The following SPTB variants were observed in gnomAD, a reference collection of about 807,000 sequenced individuals.
SPTB encodes the protein spectrin beta, erythrocytic.
In SPTB, 45 loss-of-function variants were observed where a neutral mutation model predicts 256.2. The observed-to-expected ratio is 0.18, with a 90% CI of 0.14 to 0.23. The LOEUF (loss-of-function observed/expected upper bound fraction) is 0.23, where lower values mean the gene tolerates loss of function less well. Among genes scored for constraint, SPTB ranks in the 10% least tolerant of loss-of-function variants. The pLI, the probability that SPTB is intolerant of heterozygous loss-of-function variation, is 1.00. For missense variants in SPTB, 2,715 were observed against 3,040.4 expected (o/e 0.89, Z 2.52); for synonymous variants, 1,231 against 1,243.1 (o/e 0.99, Z 0.21).
intron 1 of SPTB, among the ~76,000 whole-genome samples, chr14:64,831,808 C>T (rs1017800648): frequency 1.3e-5 from 2 of 152,182 alleles, no homozygotes; most frequent in Non-Finnish European, 2.9e-5. Context: ...CATGGCAATG[C>T]TGGAGGATCA....
intron 33 of SPTB, among the ~76,000 whole-genome samples, chr14:64,750,602 C>T (rs1452005552): frequency 6.6e-6 from 1 of 151,788 alleles, no homozygotes; most frequent in Non-Finnish European, 1.5e-5. Context: ...GTGGTAAAAC[C>T]CCATCTCTAC....
intron 1 of SPTB, among the ~76,000 whole-genome samples, chr14:64,842,969 G>A (rs1360498582): frequency 6.6e-6 from 1 of 152,044 alleles, no homozygotes; most frequent in African/African-American, 2.4e-5. Flanking sequence ...TGAGAGGCTG[G>A]GGTGGGAGGA....
At position 64,777,061 on chromosome 14, in the gene SPTB, G is replaced by A. The variant is rs1442241093; in HGVS notation, c.4564-1658C>T. Among the ~76,000 whole-genome samples, 7 of 152,244 alleles carry A rather than the reference G, an allele frequency of 4.6e-5. No individual in the cohort carries two copies. In the East Asian group the frequency reaches 1.3e-3, roughly 29 times the overall value. On this transcript the variant is annotated intron_variant, in intron 22 of 35. Transcript: ENST00000644917. The surrounding 1 kb of genome is among the most constrained non-coding windows in gnomAD (Gnocchi z 4.5). ...GATGGAGAATGTCTGCTGCGATGTG[G>A]CAGGAGCCACTTTAGCTAAGGGAGT... is the stretch of plus-strand genomic sequence containing the variant.
intron 2 of SPTB, among the ~76,000 whole-genome samples, chr14:64,812,320 C>T (rs1346871619): frequency 6.6e-6 from 1 of 152,174 alleles, no homozygotes; most frequent in Non-Finnish European, 1.5e-5. Flanking sequence ...ATGTGCTTTC[C>T]TGCCTTAGGG....
Position 64,753,524 on chromosome 14 carries a change from C to G in SPTB, c.6602+13G>C. ...CCAACCTACCCTCAGCCAGCAGCCTCTCCCGCACTCACCTGTTGGAAGCCT... is the reference window on the plus strand; with the variant it reads ...CCAACCTACCCTCAGCCAGCAGCCTGTCCCGCACTCACCTGTTGGAAGCCT... On this transcript the variant is annotated intron_variant, in intron 33 of 35. Transcript: ENST00000644917. 1 of 1,613,394 alleles carries G rather than the reference C, an allele frequency of 6.2e-7. No homozygotes were observed.
At chr14:64,877,561 A>G (rs1268682604) in intron 1 of SPTB, among the ~76,000 whole-genome samples, 1 of 152,222 alleles carries the variant, frequency 6.6e-6, no homozygotes, top group African/African-American at 2.4e-5. Context: ...TAGAGTTACC[A>G]TGACAATTAA....
chr14:64,766,617 G>A lies in SPTB; in HGVS notation c.6345+109C>T, dbSNP rs200181271. ...CAGGGATGTGGGGAGGATGGAGGGC[G>A]GGGCTGCGCCAGCTCATCTCGCCTC... is the stretch of plus-strand genomic sequence containing the variant. On this transcript the variant is annotated intron_variant, in intron 32 of 35. Coordinates refer to ENST00000644917, the MANE Select transcript of SPTB (RefSeq NM_001355436.2). The A allele has an allele frequency of 1.1e-5, 18 of 1,609,398 alleles. No individual in the cohort carries two copies. In the East Asian group the frequency reaches 1.6e-4, roughly 14 times the overall value.
At chr14:64,774,649 G>A (rs942796319) in intron 23 of SPTB, 122 bp from the exon 24 acceptor site, 19 of 1,396,440 alleles carry the variant, frequency 1.4e-5, no homozygotes, top group Admixed American at 5.9e-5. Context: ...TGGGACACCC[G>A]CAGGAGAGCC....
Position 64,777,541 on chromosome 14 carries a change from T to G in SPTB, c.4563+1616A>C, listed in dbSNP as rs2082381342. On this transcript the variant is annotated intron_variant, in intron 22 of 35. Coordinates refer to ENST00000644917, the MANE Select transcript of SPTB (RefSeq NM_001355436.2). The surrounding 1 kb of genome is among the most constrained non-coding windows in gnomAD (Gnocchi z 4.5). ...TTGTTCTAATTGCAATGAATAGCCC[T>G]GGGAACAGTGGTCCCCAAAGTGCAG... Among the ~76,000 whole-genome samples, 1 of 152,126 alleles carries G rather than the reference T, an allele frequency of 6.6e-6. No homozygotes were observed. Among genetic ancestry groups the G allele is most frequent in the Non-Finnish European group, 1.5e-5 (1 of 68,012 alleles).
chr14:64,878,830 T>C (rs1048679908), intron 1 of SPTB, among the ~76,000 whole-genome samples: 21 of 145,660 alleles, frequency 1.4e-4, no homozygotes, highest in African/African-American at 4.6e-4. Context: ...CAAAAAACAG[T>C]GGCTTCTTTT....
At chr14:64,840,961 G>A (rs2083597304) in intron 1 of SPTB, among the ~76,000 whole-genome samples, 1 of 152,188 alleles carries the variant, frequency 6.6e-6, no homozygotes, top group African/African-American at 2.4e-5. Context: ...CTTATAGTCA[G>A]GAAGGTAATT....
chr14:64,803,822 A>G lies in SPTB; in HGVS notation c.301-42T>C, dbSNP rs374428815. On this transcript the variant is annotated intron_variant, in intron 3 of 35. Coordinates refer to ENST00000644917, the MANE Select transcript of SPTB (RefSeq NM_001355436.2). ...GCCCCCGTGGGCATGGAGGGACTGCACAGTCATCCCAGAGGCTGCAGCGTG... is the reference window on the plus strand; with the variant it reads ...GCCCCCGTGGGCATGGAGGGACTGCGCAGTCATCCCAGAGGCTGCAGCGTG... 2.0e-3 allele frequency: 3,170 copies of G among 1,566,806 alleles called. 5 individuals carry two copies. Among genetic ancestry groups the G allele is most frequent in the South Asian group, 3.2e-3 (276 of 86,424 alleles).
At chr14:64,874,487 A>G (rs558080924) in intron 1 of SPTB, among the ~76,000 whole-genome samples, 7 of 152,160 alleles carry the variant, frequency 4.6e-5, no homozygotes, top group African/African-American at 1.4e-4. Context: ...GGGCCTTTCT[A>G]CCTCTAACTC....
chr14:64,879,173 G>C (rs1882983827), intron 1 of SPTB, among the ~76,000 whole-genome samples: 1 of 152,182 alleles, frequency 6.6e-6, no homozygotes, highest in Non-Finnish European at 1.5e-5. Flanking sequence ...AGGGGTCCTT[G>C]AAGTATGGCT....
At position 64,793,747 on chromosome 14, in the gene SPTB, A is replaced by G; in HGVS notation, c.1916T>C (p.Leu639Pro). Residue 639 changes from leucine (L) to proline (P), a missense_variant, in exon 14 of 36, where the codon CTC (leucine) becomes CCC (proline). Leu to Pro is a moderately conservative substitution (Grantham distance 98, BLOSUM62 -3). This residue lies in a region of SPTB where 2,239 missense variants were observed against 2,384.4 expected (regional missense o/e 0.94). Transcript: ENST00000644917. The surrounding 1 kb of genome is among the most constrained non-coding windows in gnomAD (Gnocchi z 7.0). ...RKAQLEQSKR[L>P]WKFFWEMDEA... Reference sequence around the variant, plus strand: ...ATCCATCTCCCAGAAGAACTTCCAGAGTCGTTTGGACTGCTCCAGTTGGGC... The same window carrying G: ...ATCCATCTCCCAGAAGAACTTCCAGGGTCGTTTGGACTGCTCCAGTTGGGC... 1 of 1,614,178 alleles carries G rather than the reference A, an allele frequency of 6.2e-7. No homozygotes were observed. The highest frequency in any genetic ancestry group is 8.5e-7 in the Non-Finnish European group (1 of 1,180,040).
At position 64,793,037 on chromosome 14, in the gene SPTB, T is replaced by C. The variant is rs1298161867; in HGVS notation, c.2626A>G (p.Met876Val). The change falls in exon 14 of 36, where the codon ATG becomes GTG. Residue 876 changes from methionine to valine, a missense_variant. Coordinates refer to ENST00000644917, the MANE Select transcript of SPTB (RefSeq NM_001355436.2). This position sits in a 1 kb window ranked among gnomAD's most constrained non-coding sequence, Gnocchi z 7.0. ...TCCAGGTCCTCCAGGGTGTCTGGCATTTCCATCTCGGCCAGCCACTTCTCC... is the reference window on the plus strand; with the variant it reads ...TCCAGGTCCTCCAGGGTGTCTGGCACTTCCATCTCGGCCAGCCACTTCTCC... ...EKEKWLAEME[M>V]PDTLEDLEVV... The C allele has an allele frequency of 3.7e-6, 6 of 1,613,844 alleles. No homozygotes were observed. Among genetic ancestry groups the C allele is most frequent in the Non-Finnish European group, 5.1e-6 (6 of 1,180,044 alleles).
chr14:64,752,342 C>T, intron 33 of SPTB: 1 of 1,030,396 alleles, frequency 9.7e-7, no homozygotes, highest in Non-Finnish European at 1.3e-6. Flanking sequence ...GGTGGAGAAA[C>T]TAGTAGGGCA....
rs1247388112 is a variant in SPTB at position 64,759,060 on chromosome 14, C to G, written c.6346-5267G>C. On this transcript the variant is annotated intron_variant, in intron 32 of 35. Coordinates refer to ENST00000644917, the MANE Select transcript of SPTB (RefSeq NM_001355436.2). The surrounding 1 kb of genome is among the most constrained non-coding windows in gnomAD (Gnocchi z 4.8). ...AAAGAGGCCTTGGGGTCATGGGACTCAGCCTCTCCTATCTCAGATGAGAAA... is the reference window on the plus strand; with the variant it reads ...AAAGAGGCCTTGGGGTCATGGGACTGAGCCTCTCCTATCTCAGATGAGAAA... Among the ~76,000 whole-genome samples the G allele has an allele frequency of 6.6e-6, 1 of 152,170 alleles. No individual in the cohort carries two copies. The highest frequency in any genetic ancestry group is 2.4e-5 in the African/African-American group (1 of 41,424).
chr14:64,802,271 G>A lies in SPTB; in HGVS notation c.521C>T (p.Ser174Leu), dbSNP rs1221464632. 1.9e-6 allele frequency: 3 copies of A among 1,614,132 alleles called. No individual in the cohort carries two copies. The highest frequency in any genetic ancestry group is 8.5e-7 in the Non-Finnish European group (1 of 1,180,060). The change falls in exon 5 of 36, where the codon TCA becomes TTA. Residue 174 changes from serine (S) to leucine (L), a missense_variant. Coordinates refer to ENST00000644917, the MANE Select transcript of SPTB (RefSeq NM_001355436.2). The surrounding 1 kb of genome is among the most constrained non-coding windows in gnomAD (Gnocchi z 5.1). ...CCACAACAGCAACGCATCCTTGGCT[G>A]AGCGTGTTTCACGACCTTCCTGAGT... ...VQTQEGRETR[S>L]AKDALLLWCQ...
Sources: gnomAD v4.1 joint callset for allele counts (sites outside exome capture counted in the v4.1 genomes callset) on GRCh38, gnomAD v4.1.1 for gene constraint, gnomAD v4.1.1 regional missense constraint, Gnocchi (gnomAD v3.1) non-coding constraint, MANE v1.5 for transcripts, NCBI Gene and HGNC (gene_info 2026-07-23, HGNC 2026-07-21) for gene names.